ATF7: variants seen among roughly 807,000 people sequenced by gnomAD.
ATF7 encodes cyclic AMP-dependent transcription factor ATF-7.
A neutral mutation model predicts 50.4 loss-of-function variants in ATF7; 10 were observed. That is an observed-to-expected ratio of 0.20 (90% CI 0.12 to 0.34). The LOEUF (loss-of-function observed/expected upper bound fraction) is 0.34. Among genes scored for constraint, ATF7 ranks in the 10% least tolerant of loss-of-function variants. The pLI, the probability that ATF7 is intolerant of heterozygous loss-of-function variation, is 1.00. For missense variants in ATF7, 465 were observed against 613.9 expected (o/e 0.76, Z 2.56); for synonymous variants, 201 against 226.4 (o/e 0.89, Z 1.01).
chr12:53,528,880 T>G (rs1028851270), intron 9 of ATF7, among the ~76,000 whole-genome samples: 9 of 152,090 alleles, frequency 5.9e-5, no homozygotes, highest in African/African-American at 1.7e-4. Context: ...ATGCAGGGAA[T>G]GGAGGTGAAA....
chr12:53,508,949 T>C (rs1417311376), downstream of ATF7, among the ~76,000 whole-genome samples: 7 of 152,216 alleles, frequency 4.6e-5, no homozygotes, highest in South Asian at 4.1e-4. Flanking sequence ...GGCTCTCATA[T>C]AGAGTAGCCT....
At chr12:53,601,861 T>C (rs1008259775) in intron 1 of ATF7, among the ~76,000 whole-genome samples, 1 of 152,220 alleles carries the variant, frequency 6.6e-6, no homozygotes, top group Non-Finnish European at 1.5e-5. Context: ...GGCATCACCA[T>C]CTATCCCTTC....
chr12:53,518,636 T>C (rs1937880614), intron 11 of ATF7, among the ~76,000 whole-genome samples: 1 of 152,234 alleles, frequency 6.6e-6, no homozygotes, highest in South Asian at 2.1e-4. Flanking sequence ...CAAGGAGTTT[T>C]ATTAAACATC....
At chr12:53,533,671 C>T (rs1939039017) in intron 6 of ATF7, among the ~76,000 whole-genome samples, 1 of 152,090 alleles carries the variant, frequency 6.6e-6, no homozygotes, top group Non-Finnish European at 1.5e-5. Context: ...TACCCTGCCT[C>T]AAAAAGAAGT....
intron 4 of ATF7, among the ~76,000 whole-genome samples, chr12:53,541,973 C>T (rs551309243): frequency 6.1e-4 from 93 of 152,184 alleles, no homozygotes; most frequent in Middle Eastern, 3.4e-3. Flanking sequence ...AGGCGTGCGC[C>T]GCCACGCCTG....
intron 1 of ATF7, among the ~76,000 whole-genome samples, chr12:53,618,751 A>C (rs1465032516): frequency 6.6e-6 from 1 of 152,060 alleles, no homozygotes; most frequent in Non-Finnish European, 1.5e-5. Context: ...TTTATTCCAA[A>C]CAGAAAATGA....
Position 53,601,035 on chromosome 12 carries a change from G to T in ATF7, c.-21-14C>A, listed in dbSNP as rs778415598. On this transcript the variant is annotated splice_polypyrimidine_tract_variant and intron_variant, in intron 1 of 11. Transcript: ENST00000420353. ...AGCAGAGAGGAGCTGAGGAGGGGGA[G>T]GTGAGGGAAAAAGTTATGTTAAATA... 3.1e-6 allele frequency: 5 copies of T among 1,590,278 alleles called. No homozygotes were observed. The East Asian group carries it at 1.1e-4, about 36-fold the overall frequency.
intron 11 of ATF7, among the ~76,000 whole-genome samples, chr12:53,521,839 T>TAATG (rs1401083470): frequency 6.6e-6 from 1 of 152,224 alleles, no homozygotes; most frequent in Non-Finnish European, 1.5e-5. Context: ...AATATCTGCT[T>TAATG]AATGAATGAA....
At position 53,592,112 on chromosome 12, in the gene ATF7, C is replaced by T. The variant is rs572495491; in HGVS notation, c.48+8841G>A. ...GAAGTTGGTTCGGCACTTCAATCTG[C>T]CAGCAGAATCAGCAGTCACACAGGG... On this transcript the variant is annotated intron_variant, in intron 2 of 11. Coordinates refer to ENST00000420353, the MANE Select transcript of ATF7 (RefSeq NM_006856.3). Among the ~76,000 whole-genome samples, 3 of 152,302 alleles carry T rather than the reference C, an allele frequency of 2.0e-5. No homozygotes were observed. The South Asian group carries it at 6.2e-4, about 32-fold the overall frequency.
intron 1 of ATF7, among the ~76,000 whole-genome samples, chr12:53,605,442 C>T (rs1227063523): frequency 1.4e-5 from 2 of 145,468 alleles, no homozygotes; most frequent in Non-Finnish European, 3.0e-5. Context: ...AAATTAATAA[C>T]CGTAATTTGC....
At chr12:53,534,079 C>T (rs1939070081) in intron 6 of ATF7, among the ~76,000 whole-genome samples, 1 of 152,184 alleles carries the variant, frequency 6.6e-6, no homozygotes, top group Non-Finnish European at 1.5e-5. Flanking sequence ...AGATCGAGAT[C>T]GTCCTGGCTA....
chr12:53,592,727 T>C (rs560022073), intron 2 of ATF7, among the ~76,000 whole-genome samples: 2 of 152,276 alleles, frequency 1.3e-5, no homozygotes, highest in Non-Finnish European at 2.9e-5. Context: ...TTAAAAAACA[T>C]GTATTATTGT....
At chr12:53,529,575 TG>T (rs1269523872) in intron 9 of ATF7, among the ~76,000 whole-genome samples, 4 of 149,868 alleles carry the variant, frequency 2.7e-5, no homozygotes. Flanking sequence ...TGACCTGCCT[TG>T]GCCTCCCAAA....
intron 2 of ATF7, among the ~76,000 whole-genome samples, chr12:53,554,551 G>A (rs1940589558): frequency 6.6e-6 from 1 of 151,860 alleles, no homozygotes; most frequent in Non-Finnish European, 1.5e-5. Context: ...TTACACCACT[G>A]TACTCCAGTG....
chr12:53,605,907 C>G (rs1248406804), intron 1 of ATF7, among the ~76,000 whole-genome samples: 2 of 152,156 alleles, frequency 1.3e-5, no homozygotes, highest in East Asian at 1.9e-4. Flanking sequence ...TAAGTTTGCA[C>G]TTAACTTCAG....
intron 1 of ATF7, among the ~76,000 whole-genome samples, chr12:53,602,222 G>C (rs143576558): frequency 6.6e-6 from 1 of 152,150 alleles, no homozygotes; most frequent in Admixed American, 6.6e-5. Flanking sequence ...GGGAAGATGA[G>C]AGAGGAACTA....
chr12:53,597,746 T>A (rs991496779), intron 2 of ATF7, among the ~76,000 whole-genome samples: 1 of 150,992 alleles, frequency 6.6e-6, no homozygotes, highest in African/African-American at 2.5e-5. Flanking sequence ...GAGGCGGAGC[T>A]TGCAGTGAGC....
intron 2 of ATF7, among the ~76,000 whole-genome samples, chr12:53,579,551 CAA>C (rs532383571): frequency 2.5e-4 from 15 of 60,650 alleles, no homozygotes; most frequent in Admixed American, 5.6e-4. Flanking sequence ...AACTCCGTCT[CAA>C]AAAAAAAAAA....
chr12:53,587,843 A>ATATATATATATTTTTTTTTT, intron 2 of ATF7, among the ~76,000 whole-genome samples: 4 of 61,568 alleles, frequency 6.5e-5, no homozygotes, highest in African/African-American at 2.1e-4. Flanking sequence ...ATATATATAT[A>ATATATATATATTTTTTTTTT]TTTTTTTTTT....
Sources: gnomAD v4.1 joint callset for allele counts (sites outside exome capture counted in the v4.1 genomes callset) on GRCh38, gnomAD v4.1.1 for gene constraint, MANE v1.5 for transcripts, NCBI Gene and HGNC (gene_info 2026-07-23, HGNC 2026-07-21) for gene names.